PLCXD3: variants seen among roughly 807,000 people sequenced by gnomAD.
PLCXD3 encodes the protein PI-PLC X domain-containing protein 3.
In PLCXD3, 19 loss-of-function variants were observed where a neutral mutation model predicts 25.5. The observed-to-expected ratio is 0.75, with a 90% CI of 0.52 to 1.09. The LOEUF (loss-of-function observed/expected upper bound fraction) is 1.09. Ranked by LOEUF, PLCXD3 falls within the 50% of genes least tolerant of loss-of-function variation. The pLI is 0.00. For missense variants in PLCXD3, 411 were observed against 388.1 expected, an observed-to-expected ratio of 1.06 and a Z score of -0.50; for synonymous variants, 174 against 137.6, an observed-to-expected ratio of 1.26 and a Z score of -1.85.
intron 1 of PLCXD3, among the ~76,000 whole-genome samples, chr5:41,490,714 A>C (rs1237609375): frequency 6.6e-6 from 1 of 152,074 alleles, no homozygotes; most frequent in Admixed American, 6.6e-5. Context: ...TTTCTAGTTT[A>C]TTTGCATAGA....
chr5:41,358,341 GGTT>G (rs1254607969), intron 2 of PLCXD3, among the ~76,000 whole-genome samples: 1 of 152,104 alleles, frequency 6.6e-6, no homozygotes, highest in Admixed American at 6.5e-5. Flanking sequence ...TTGGGGAACA[GGTT>G]GTGTTTGGTT....
chr5:41,475,677 C>A lies in PLCXD3; in HGVS notation c.103+34747G>T, dbSNP rs781353305. On this transcript the variant is annotated intron_variant, in intron 1 of 2. Transcript: ENST00000377801. ...TTCAGGCGCCACCTGTGGCTGTCTGCCACAAGTACTATTTGAGACCATCAC... is the reference window on the plus strand; with the variant it reads ...TTCAGGCGCCACCTGTGGCTGTCTGACACAAGTACTATTTGAGACCATCAC... The A allele has an allele frequency of 5.6e-6, 3 of 534,784 alleles. No homozygotes were observed. The East Asian group carries it at 1.6e-4, about 29-fold the overall frequency. The allele number at this position is 534,784 out of a possible 1,614,324, so 33.1% of individuals were successfully genotyped here. A position where few individuals can be genotyped will look rare whatever the true frequency, so the allele number is the denominator to read the frequency against.
intron 1 of PLCXD3, among the ~76,000 whole-genome samples, chr5:41,471,772 T>G (rs976732597): frequency 2.4e-5 from 3 of 127,524 alleles, no homozygotes; most frequent in Non-Finnish European, 5.1e-5. Context: ...CTACAACATC[T>G]TTTCAAGACC....
chr5:41,472,386 C>T (rs1748185403), intron 1 of PLCXD3, among the ~76,000 whole-genome samples: 1 of 152,168 alleles, frequency 6.6e-6, no homozygotes, highest in African/African-American at 2.4e-5. Flanking sequence ...TCTTCATTCT[C>T]TAACTATACT....
At chr5:41,468,750 C>T (rs186908170) in intron 1 of PLCXD3, among the ~76,000 whole-genome samples, 121 of 151,956 alleles carry the variant, frequency 8.0e-4, no homozygotes, top group African/African-American at 2.7e-3. Flanking sequence ...TTTCATTTAC[C>T]AGTTCTAACA....
intron 1 of PLCXD3, among the ~76,000 whole-genome samples, chr5:41,397,217 G>T (rs1746034144): frequency 6.6e-6 from 1 of 152,190 alleles, no homozygotes; most frequent in Admixed American, 6.5e-5. Context: ...GCCTGTGAGG[G>T]AAGCATGGTT....
chr5:41,409,211 G>T lies in PLCXD3; in HGVS notation c.104-26677C>A, dbSNP rs318028. Among the ~76,000 whole-genome samples the T allele has an allele frequency of 2.1e-3, 327 of 152,230 alleles. 1 individual carries two copies. The highest frequency in any genetic ancestry group is 7.5e-3 in the African/African-American group (310 of 41,552). Reference sequence around the variant, plus strand: ...CTGTCTAGTTCTTTTCCTATTCACTGCCCCCAAAGATGACCTATGAAGCTG... The same window carrying T: ...CTGTCTAGTTCTTTTCCTATTCACTTCCCCCAAAGATGACCTATGAAGCTG... On this transcript the variant is annotated intron_variant, in intron 1 of 2. Transcript: ENST00000377801.
At chr5:41,432,185 G>A (rs747674568) in intron 1 of PLCXD3, among the ~76,000 whole-genome samples, 4 of 152,082 alleles carry the variant, frequency 2.6e-5, no homozygotes, top group Non-Finnish European at 5.9e-5. Flanking sequence ...GATAAATTAC[G>A]ACTTAAAGAA....
intron 1 of PLCXD3, among the ~76,000 whole-genome samples, chr5:41,452,080 G>T (rs1456470658): frequency 6.6e-6 from 1 of 152,016 alleles, no homozygotes; most frequent in Non-Finnish European, 1.5e-5. Context: ...AGAAGGAGGA[G>T]CTTCATGGTG....
intron 2 of PLCXD3, among the ~76,000 whole-genome samples, chr5:41,375,579 T>C (rs1745269398): frequency 6.6e-6 from 1 of 152,152 alleles, no homozygotes; most frequent in Admixed American, 6.5e-5. Context: ...CCCAGTCATC[T>C]CTAACTCCCT....
intron 1 of PLCXD3, among the ~76,000 whole-genome samples, chr5:41,465,563 C>T (rs780898361): frequency 6.6e-6 from 1 of 151,570 alleles, no homozygotes; most frequent in Non-Finnish European, 1.5e-5. Flanking sequence ...TTCCTTGGTT[C>T]TTGTCTCAGC....
Position 41,329,312 on chromosome 5 carries a change from A to T in PLCXD3, c.813-15542T>A, listed in dbSNP as rs150527192. Among the ~76,000 whole-genome samples, 833 of 152,260 alleles carry T rather than the reference A, an allele frequency of 5.5e-3. 4 individuals are homozygous for T. Among genetic ancestry groups the T allele is most frequent in the Non-Finnish European group, 9.4e-3 (640 of 68,014 alleles). ...AATTGTAATCGTATTTATGCGTTTGATCAATGTCTGTCTCCCCAACTAGAC... is the reference window on the plus strand; with the variant it reads ...AATTGTAATCGTATTTATGCGTTTGTTCAATGTCTGTCTCCCCAACTAGAC... On this transcript the variant is annotated intron_variant, in intron 2 of 2. Coordinates refer to ENST00000377801, the MANE Select transcript of PLCXD3 (RefSeq NM_001005473.3).
chr5:41,407,614 A>G (rs943037996), intron 1 of PLCXD3, among the ~76,000 whole-genome samples: 4 of 152,230 alleles, frequency 2.6e-5, no homozygotes, highest in African/African-American at 9.6e-5. Flanking sequence ...TTATGTCATT[A>G]AAGACAACAC....
At chr5:41,474,756 A>C (rs541538146) in intron 1 of PLCXD3, among the ~76,000 whole-genome samples, 1 of 152,196 alleles carries the variant, frequency 6.6e-6, no homozygotes, top group African/African-American at 2.4e-5. Flanking sequence ...CTCCTTCACA[A>C]TCAAAATCAA....
At chr5:41,447,191 G>T (rs546731337) in intron 1 of PLCXD3, among the ~76,000 whole-genome samples, 3 of 152,098 alleles carry the variant, frequency 2.0e-5, no homozygotes, top group Admixed American at 1.3e-4. Flanking sequence ...TGATCAATTT[G>T]GTCATGTTAA....
chr5:41,420,424 G>A (rs1319011224), intron 1 of PLCXD3, among the ~76,000 whole-genome samples: 1 of 152,186 alleles, frequency 6.6e-6, no homozygotes, highest in Non-Finnish European at 1.5e-5. Context: ...TAAATTCAGT[G>A]TTCCTCATCC....
At chr5:41,426,154 A>G (rs527803151) in intron 1 of PLCXD3, among the ~76,000 whole-genome samples, 3 of 151,242 alleles carry the variant, frequency 2.0e-5, no homozygotes, top group Admixed American at 6.6e-5. Context: ...TCTAATAGGT[A>G]TGTAGTGGTA....
intron 1 of PLCXD3, among the ~76,000 whole-genome samples, chr5:41,455,158 G>A (rs548504899): frequency 2.6e-4 from 40 of 151,984 alleles, no homozygotes; most frequent in African/African-American, 9.4e-4. Context: ...TTTAGGTGGG[G>A]ACACAAAGCC....
intron 1 of PLCXD3, among the ~76,000 whole-genome samples, chr5:41,387,646 A>G (rs920286810): frequency 2.6e-5 from 4 of 152,106 alleles, no homozygotes; most frequent in Non-Finnish European, 5.9e-5. Context: ...AATTATATGT[A>G]CTACTAGTTC....
Sources: gnomAD v4.1 joint callset for allele counts (sites outside exome capture counted in the v4.1 genomes callset) on GRCh38, gnomAD v4.1.1 for gene constraint, MANE v1.5 for transcripts, NCBI Gene and HGNC (gene_info 2026-07-23, HGNC 2026-07-21) for gene names.